SLC35D1: variants seen among roughly 807,000 people sequenced by gnomAD.
The protein encoded by SLC35D1 is nucleotide sugar transporter SLC35D1.
A neutral mutation model predicts 46.7 loss-of-function variants in SLC35D1; 31 were observed. That is an observed-to-expected ratio of 0.66 (90% CI 0.50 to 0.90). The LOEUF is 0.90. Ranked by LOEUF, SLC35D1 falls within the 40% of genes least tolerant of loss-of-function variation. SLC35D1 has a pLI of 0.00. For synonymous variants in SLC35D1, 195 were observed against 164.6 expected, an observed-to-expected ratio of 1.18 and a Z score of -1.41; for missense variants, 397 against 426.2, an observed-to-expected ratio of 0.93 and a Z score of 0.60.
chr1:67,048,708 G>A (rs1645276198), intron 6 of SLC35D1, among the ~76,000 whole-genome samples: 1 of 152,200 alleles, frequency 6.6e-6, no homozygotes, highest in Non-Finnish European at 1.5e-5. Flanking sequence ...ATACATATAT[G>A]CATGCCCTGG....
chr1:67,024,591 C>T (rs1008934274), intron 8 of SLC35D1, among the ~76,000 whole-genome samples: 2 of 152,154 alleles, frequency 1.3e-5, no homozygotes, highest in Non-Finnish European at 2.9e-5. Context: ...AGAACTGAGA[C>T]ACAATCTTTT....
the SLC35D1 span, among the ~76,000 whole-genome samples, chr1:66,978,871 C>T: frequency 6.6e-5 from 10 of 152,180 alleles, no homozygotes; most frequent in Non-Finnish European, 8.8e-5. Context: ...TCTAATTTCT[C>T]TATTGATCTC....
chr1:67,038,834 T>TACACACACAC lies in SLC35D1; in HGVS notation c.729+3392_729+3401dup, dbSNP rs112186155. The stretch of plus-strand genomic sequence containing the variant: ...ACCTTGGATAAACTTTAAATATGTA[T>TACACACACAC]ACACACACACACACACACAAACACA... On this transcript the variant is annotated intron_variant, in intron 8 of 11. Coordinates refer to ENST00000235345, the MANE Select transcript of SLC35D1 (RefSeq NM_015139.3). Among the ~76,000 whole-genome samples, 904 of 130,670 alleles carry TACACACACAC rather than the reference T, an allele frequency of 6.9e-3. 9 individuals carry two copies. Among genetic ancestry groups the TACACACACAC allele is most frequent in the Middle Eastern group, 0.032 (8 of 248 alleles). The allele number at this position is 130,670 out of a possible 152,430, so 85.7% of individuals were successfully genotyped here.
intron 8 of SLC35D1, among the ~76,000 whole-genome samples, chr1:67,032,279 C>T (rs1433860705): frequency 1.3e-5 from 2 of 152,006 alleles, no homozygotes; most frequent in Non-Finnish European, 2.9e-5. Flanking sequence ...CCTATAACTA[C>T]GCTTTTATTT....
chr1:67,026,064 GTA>G (rs1667907972), intron 8 of SLC35D1, among the ~76,000 whole-genome samples: 1 of 152,142 alleles, frequency 6.6e-6, no homozygotes, highest in South Asian at 2.1e-4. Context: ...CACTATATGA[GTA>G]CAGACATCCT....
At chr1:67,042,628 G>A (rs1415912753) in intron 7 of SLC35D1, among the ~76,000 whole-genome samples, 1 of 151,948 alleles carries the variant, frequency 6.6e-6, no homozygotes, top group Non-Finnish European at 1.5e-5. Flanking sequence ...TAGAAAAGAG[G>A]TTATTTTGAA....
At chr1:66,976,764 C>T in the SLC35D1 span, 1 of 1,438,906 alleles carries the variant, frequency 6.9e-7, no homozygotes, top group Non-Finnish European at 9.2e-7. Context: ...TACATTTTTG[C>T]TAAGCTTTTC....
intron 10 of SLC35D1, among the ~76,000 whole-genome samples, chr1:67,014,368 T>C (rs1042690738): frequency 6.6e-6 from 1 of 152,172 alleles, no homozygotes; most frequent in Non-Finnish European, 1.5e-5. Context: ...CTTTAATCTT[T>C]TTCACTTATG....
chr1:66,991,729 TTTCAACCAAGGGATAG>T, the SLC35D1 span, among the ~76,000 whole-genome samples: 1 of 152,144 alleles, frequency 6.6e-6, no homozygotes, highest in Non-Finnish European at 1.5e-5. Context: ...TGTTCCTCCA[TTTCAACCAAGGGATAG>T]CCTAAAATAT....
the SLC35D1 span, chr1:66,987,493 A>C: frequency 1.3e-5 from 2 of 152,718 alleles, no homozygotes; most frequent in Non-Finnish European, 2.9e-5. Context: ...ATTCAGTTCA[A>C]CACAAGTTTG....
At chr1:67,008,017 T>TTTA (rs1377663807) in intron 11 of SLC35D1, among the ~76,000 whole-genome samples, 1 of 152,226 alleles carries the variant, frequency 6.6e-6, no homozygotes, top group Non-Finnish European at 1.5e-5. Flanking sequence ...AAGATTTTCT[T>TTTA]TTAAAAAGTT....
chr1:66,992,010 G>C, the SLC35D1 span, among the ~76,000 whole-genome samples: 1 of 152,152 alleles, frequency 6.6e-6, no homozygotes, highest in Admixed American at 6.5e-5. Context: ...TTTGTCCCTA[G>C]AGAGTGCTGG....
intron 9 of SLC35D1, 141 bp from the exon 10 acceptor site, chr1:67,020,588 A>T (rs1284909795): frequency 2.4e-5 from 16 of 666,042 alleles, no homozygotes; most frequent in South Asian, 1.1e-4. Flanking sequence ...TGCTTCTTAT[A>T]CTGCAGCTTC....
chr1:66,997,798 G>T (rs1355041616), downstream of SLC35D1, among the ~76,000 whole-genome samples: 2 of 145,914 alleles, frequency 1.4e-5, no homozygotes, highest in East Asian at 3.9e-4. Context: ...TATAAATATT[G>T]TTATTTATAT....
chr1:67,026,174 T>C (rs1667910352), intron 8 of SLC35D1, among the ~76,000 whole-genome samples: 1 of 152,198 alleles, frequency 6.6e-6, no homozygotes, highest in Non-Finnish European at 1.5e-5. Flanking sequence ...TTTCTTATGC[T>C]GAGAAAGTTC....
In SLC35D1 at chr1:67,050,364, A is replaced by G. The variant is rs897771098; in HGVS notation, c.464+69T>C. On this transcript the variant is annotated intron_variant, in intron 5 of 11. Transcript: ENST00000235345. ...AGGTAGGAACAAGACAAATAATTTAATATCTCACATATGCTGGGCACCTTT... is the reference window on the plus strand; with the variant it reads ...AGGTAGGAACAAGACAAATAATTTAGTATCTCACATATGCTGGGCACCTTT... The G allele has an allele frequency of 6.1e-5, 70 of 1,152,602 alleles. No homozygotes were observed. In the African/African-American group the frequency reaches 9.6e-4, roughly 16 times the overall value. 71.4% of individuals were successfully genotyped at this position (1,152,602 alleles called of 1,614,324 possible). A position where few individuals can be genotyped will look rare whatever the true frequency, so the allele number is the denominator to read the frequency against.
chr1:66,986,611 A>G, the SLC35D1 span: 2 of 684,370 alleles, frequency 2.9e-6, no homozygotes, highest in African/African-American at 1.8e-5. Context: ...CCCTTCACCA[A>G]TGTGAACAAC....
chr1:67,037,854 A>C (rs1452114361), intron 8 of SLC35D1, among the ~76,000 whole-genome samples: 3 of 152,182 alleles, frequency 2.0e-5, no homozygotes, highest in African/African-American at 7.2e-5. Context: ...AAAATTACTA[A>C]GAAAAAAATT....
At chr1:67,004,619 A>G (rs1262908872) in intron 11 of SLC35D1, among the ~76,000 whole-genome samples, 171 bp from the exon 12 acceptor site, 7 of 152,334 alleles carry the variant, frequency 4.6e-5, no homozygotes, top group African/African-American at 1.7e-4. Context: ...TAAAATATAA[A>G]CAGGCATTGA....
Sources: allele counts gnomAD v4.1 joint callset (sites outside exome capture counted in the v4.1 genomes callset), GRCh38; gene constraint gnomAD v4.1.1; transcripts MANE v1.5; gene names NCBI Gene and HGNC (gene_info 2026-07-23, HGNC 2026-07-21).